The following CCDC191 variants were observed in gnomAD, a reference collection of about 807,000 sequenced individuals.
CCDC191 encodes coiled-coil domain containing 191, also known as coiled-coil domain-containing protein 191.
CCDC191 carries 99 observed loss-of-function variants against 114.0 expected under a neutral mutation model. The observed-to-expected ratio is 0.87, with a 90% CI of 0.74 to 1.03. The LOEUF is 1.03. Ranked by LOEUF, CCDC191 falls within the 50% of genes least tolerant of loss-of-function variation. CCDC191 has a pLI of 0.00. For synonymous variants in CCDC191, 351 were observed against 376.0 expected (o/e 0.93, Z 0.77); for missense variants, 973 against 1,087.0 (o/e 0.90, Z 1.47).
At chr3:114,049,511 TTGAG>T (rs1418572794) in intron 2 of CCDC191, among the ~76,000 whole-genome samples, 3 of 152,200 alleles carry the variant, frequency 2.0e-5, no homozygotes, top group Non-Finnish European at 4.4e-5. Flanking sequence ...TCCTCAGGCC[TTGAG>T]TGAAAGAAAT....
intron 13 of CCDC191, among the ~76,000 whole-genome samples, chr3:113,990,120 T>C (rs770829619): frequency 5.9e-5 from 9 of 151,802 alleles, no homozygotes; most frequent in Non-Finnish European, 1.0e-4. Flanking sequence ...ATCAATGAAA[T>C]TGAAAAGAGG....
chr3:113,978,137 A>G, intron 16 of CCDC191, 49 bp downstream of exon 16: 4 of 1,601,018 alleles, frequency 2.5e-6, no homozygotes, highest in Non-Finnish European at 3.4e-6. Flanking sequence ...TATATTGCTG[A>G]GCAATTGTGA....
rs1003343112 is a variant in CCDC191 at position 113,978,886 on chromosome 3, A to G, written c.2432T>C (p.Leu811Pro). The G allele has an allele frequency of 6.2e-7, 1 of 1,613,892 alleles. No individual in the cohort carries two copies. The highest frequency in any genetic ancestry group is 1.3e-5 in the African/African-American group (1 of 74,908). The change falls in exon 15 of 17, where the codon CTT (leucine) becomes CCT (proline). Residue 811 changes from leucine to proline, a missense_variant. Physicochemically the swap from Leu to Pro is moderately conservative, Grantham distance 98. Coordinates refer to ENST00000295878, the MANE Select transcript of CCDC191 (RefSeq NM_020817.2). Reference sequence around the variant, plus strand: ...TAGCCAGCTCTGGATGACTCTCTTAAGCAGTATTTGGGAATAAAATTGATC... The same window carrying G: ...TAGCCAGCTCTGGATGACTCTCTTAGGCAGTATTTGGGAATAAAATTGATC... Reference protein sequence around the residue: ...QADQFYSQILLKRVIQSWLQY... With the variant: ...QADQFYSQILPKRVIQSWLQY...
intron 4 of CCDC191, among the ~76,000 whole-genome samples, chr3:114,039,099 C>A (rs2076526590): frequency 6.6e-6 from 1 of 152,004 alleles, no homozygotes; most frequent in Admixed American, 6.6e-5. Context: ...AAGTGTAGCA[C>A]ATACAATTAT....
chr3:114,046,545 T>C, intron 3 of CCDC191, 46 bp downstream of exon 3: 1 of 1,158,292 alleles, frequency 8.6e-7, no homozygotes, highest in East Asian at 2.3e-5. Context: ...TCATGGGTTA[T>C]GCTTTAAGAA....
chr3:114,043,048 A>G (rs909896448), intron 3 of CCDC191, among the ~76,000 whole-genome samples: 16 of 152,220 alleles, frequency 1.1e-4, no homozygotes, highest in African/African-American at 2.2e-4. Context: ...GAAGAGAGAC[A>G]ATAAGTAAAT....
In CCDC191 at chr3:114,036,726, T is replaced by C; in HGVS notation, c.476A>G (p.His159Arg). The stretch of plus-strand genomic sequence containing the variant: ...ATCTACCACATTTTTATGGAGCAGA[T>C]GGTCTATAAATTTTTGAACGGTGGT... Reference protein sequence around the residue: ...ESTTVQKFIDHLLHKNVVDSA... With the variant: ...ESTTVQKFIDRLLHKNVVDSA... Residue 159 changes from histidine to arginine, a missense_variant, in exon 5 of 17, where the codon CAT (histidine) becomes CGT (arginine). Coordinates refer to ENST00000295878, the MANE Select transcript of CCDC191 (RefSeq NM_020817.2). 6.3e-7 allele frequency: 1 copy of C among 1,597,116 alleles called. No homozygotes were observed. The highest frequency in any genetic ancestry group is 2.3e-5 in the East Asian group (1 of 43,722).
At chr3:114,000,735 C>T (rs2075840284) in intron 13 of CCDC191, among the ~76,000 whole-genome samples, 2 of 151,988 alleles carry the variant, frequency 1.3e-5, no homozygotes, top group Admixed American at 6.6e-5. Flanking sequence ...ACTGCTGCCT[C>T]GAACTCCTGG....
At chr3:114,033,763 C>T (rs559153572) in intron 6 of CCDC191, among the ~76,000 whole-genome samples, 2 of 152,346 alleles carry the variant, frequency 1.3e-5, no homozygotes, top group East Asian at 3.9e-4. Context: ...CTCACTAAAA[C>T]ACCAGTGATT....
At chr3:114,002,810 T>C (rs2075879399) in intron 11 of CCDC191, 1 of 932,404 alleles carries the variant, frequency 1.1e-6, no homozygotes. Flanking sequence ...TGTTTACTGA[T>C]TTATAATGTG....
intron 16 of CCDC191, among the ~76,000 whole-genome samples, chr3:113,968,688 T>G (rs945998351): frequency 6.6e-6 from 1 of 151,832 alleles, no homozygotes; most frequent in Non-Finnish European, 1.5e-5. Context: ...TTGAACTCCT[T>G]GACTCAAACT....
chr3:114,006,600 A>ATT (rs1559903124), intron 9 of CCDC191, among the ~76,000 whole-genome samples: 1 of 136,532 alleles, frequency 7.3e-6, no homozygotes, highest in East Asian at 2.0e-4. Context: ...ATATATATAT[A>ATT]TATATATATA....
At chr3:114,003,209 A>G in intron 11 of CCDC191, 1 of 985,414 alleles carries the variant, frequency 1.0e-6, no homozygotes, top group Non-Finnish European at 1.2e-6. Flanking sequence ...ATGGTCTGAT[A>G]ATATGACTCT....
chr3:114,049,261 C>T lies in CCDC191; in HGVS notation c.130-2529G>A, dbSNP rs557513841. 4.6e-5 allele frequency among the ~76,000 whole-genome samples: 7 copies of T among 152,258 alleles called. No homozygotes were observed. The East Asian group carries it at 1.3e-3, about 29-fold the overall frequency. The stretch of plus-strand genomic sequence containing the variant: ...TATTTTCCCATATTATTTCTGATAG[C>T]CTCTGATGCATGCAAGTTTATGTTG... On this transcript the variant is annotated intron_variant, in intron 2 of 16. Transcript: ENST00000295878.
At chr3:114,029,546 T>A (rs894999182) in intron 7 of CCDC191, among the ~76,000 whole-genome samples, 2 of 152,188 alleles carry the variant, frequency 1.3e-5, no homozygotes, top group Non-Finnish European at 2.9e-5. Flanking sequence ...CACCAATGGA[T>A]GTTAACCTTA....
rs148809655 is a variant in CCDC191, at chr3:114,049,691, G to T, written c.130-2959C>A. Among the ~76,000 whole-genome samples the T allele has an allele frequency of 4.5e-4, 69 of 152,268 alleles. 1 individual carries two copies. The highest frequency in any genetic ancestry group is 1.6e-3 in the African/African-American group (67 of 41,558). On this transcript the variant is annotated intron_variant, in intron 2 of 16. Coordinates refer to ENST00000295878, the MANE Select transcript of CCDC191 (RefSeq NM_020817.2). The stretch of plus-strand genomic sequence containing the variant: ...ACAAATGTTTGCTTGGCTTTAACAA[G>T]GCAAGTGTTTGGGATATCACTTAAA...
chr3:114,042,491 A>G (rs895677959), intron 4 of CCDC191, among the ~76,000 whole-genome samples: 34 of 152,226 alleles, frequency 2.2e-4, no homozygotes, highest in African/African-American at 8.2e-4. Context: ...GATAACTGTA[A>G]TAGAATATTT....
intron 8 of CCDC191, among the ~76,000 whole-genome samples, chr3:114,015,339 C>T (rs989511502): frequency 3.3e-5 from 5 of 151,952 alleles, no homozygotes; most frequent in African/African-American, 1.2e-4. Context: ...GAGATGCGGC[C>T]CAGGAAAGAA....
intron 4 of CCDC191, among the ~76,000 whole-genome samples, chr3:114,042,104 C>T (rs1266061852): frequency 1.3e-5 from 2 of 152,200 alleles, no homozygotes; most frequent in South Asian, 4.1e-4. Flanking sequence ...TAAATGTAGT[C>T]TGCATCAAAC....
Sources: gnomAD v4.1 joint callset for allele counts (sites outside exome capture counted in the v4.1 genomes callset) on GRCh38, gnomAD v4.1.1 for gene constraint, MANE v1.5 for transcripts, NCBI Gene and HGNC (gene_info 2026-07-23, HGNC 2026-07-21) for gene names.